PEX5L: variants seen among roughly 807,000 people sequenced by gnomAD.
The protein encoded by PEX5L is peroxisomal biogenesis factor 5 like, also known as PEX5-related protein.
PEX5L carries 30 observed loss-of-function variants against 84.0 expected under a neutral mutation model. The observed-to-expected ratio is 0.36, with a 90% CI of 0.27 to 0.48. The LOEUF is 0.48. Among genes scored for constraint, PEX5L ranks in the 20% least tolerant of loss-of-function variants. PEX5L has a pLI of 0.99. For missense variants in PEX5L, 533 were observed against 754.6 expected (o/e 0.71, Z 3.44); for synonymous variants, 270 against 283.1 (o/e 0.95, Z 0.46).
In PEX5L at chr3:179,859,042, C is replaced by T. The variant is rs1380165786; in HGVS notation, c.822+20G>A. ...TCTCAGGAGCATGAAACAGAAAAAACTAATTTGAAGAAAAGTTACCTCCAC... is the reference window on the plus strand; with the variant it reads ...TCTCAGGAGCATGAAACAGAAAAAATTAATTTGAAGAAAAGTTACCTCCAC... On this transcript the variant is annotated intron_variant, in intron 8 of 14. Transcript: ENST00000467460. The T allele has an allele frequency of 6.4e-6, 10 of 1,554,264 alleles. No homozygotes were observed. The highest frequency in any genetic ancestry group is 8.0e-6 in the Non-Finnish European group (9 of 1,125,776).
intron 10 of PEX5L, among the ~76,000 whole-genome samples, chr3:179,812,761 ACATT>A (rs751096502): frequency 4.0e-5 from 6 of 151,762 alleles, no homozygotes; most frequent in Non-Finnish European, 7.4e-5. Context: ...CTCATTACAC[ACATT>A]GTCTTCAAAT....
intron 8 of PEX5L, among the ~76,000 whole-genome samples, chr3:179,826,726 G>C (rs931093833): frequency 6.6e-6 from 1 of 152,060 alleles, no homozygotes; most frequent in African/African-American, 2.4e-5. Context: ...TTCCTGAATG[G>C]GTTTCTTTTT....
intron 14 of PEX5L, among the ~76,000 whole-genome samples, chr3:179,803,239 C>T (rs1000124264): frequency 1.3e-5 from 2 of 152,090 alleles, no homozygotes; most frequent in Non-Finnish European, 2.9e-5. Flanking sequence ...ACTTTTCCCA[C>T]TAGACTGTTT....
At chr3:179,861,218 A>C (rs1318493287) in intron 7 of PEX5L, among the ~76,000 whole-genome samples, 1 of 152,224 alleles carries the variant, frequency 6.6e-6, no homozygotes, top group Non-Finnish European at 1.5e-5. Context: ...TGTTGAAAAT[A>C]CGCTGTCAAT....
chr3:179,851,355 C>A (rs973488667), intron 8 of PEX5L, among the ~76,000 whole-genome samples: 1 of 152,176 alleles, frequency 6.6e-6, no homozygotes, highest in African/African-American at 2.4e-5. Context: ...GTTTGTAGGA[C>A]AAACAAGCTC....
intron 4 of PEX5L, among the ~76,000 whole-genome samples, chr3:179,882,728 A>G (rs1754529020): frequency 6.6e-6 from 1 of 152,150 alleles, no homozygotes; most frequent in Admixed American, 6.5e-5. Context: ...GATTTCTTAA[A>G]TCCTATTTTA....
rs1728902050 is a variant in PEX5L, at chr3:179,822,557, G to T, written c.823-2581C>A. Among the ~76,000 whole-genome samples the T allele has an allele frequency of 3.3e-5, 5 of 152,188 alleles. No homozygotes were observed. In the South Asian group the frequency reaches 1.0e-3, roughly 31 times the overall value. ...TAGTATAATCAATTTTCATCCTGTT[G>T]CAGAATCCAGACTTCATTCACGTAG... On this transcript the variant is annotated intron_variant, in intron 8 of 14. Transcript: ENST00000467460.
intron 9 of PEX5L, 109 bp downstream of exon 9, chr3:179,819,751 T>A: frequency 1.1e-6 from 1 of 933,780 alleles, no homozygotes; most frequent in Non-Finnish European, 1.7e-6. Flanking sequence ...CATTAAATTG[T>A]CTTTTTAATT....
At chr3:179,853,283 T>C (rs1484115083) in intron 8 of PEX5L, among the ~76,000 whole-genome samples, 1 of 152,242 alleles carries the variant, frequency 6.6e-6, no homozygotes, top group Non-Finnish European at 1.5e-5. Context: ...ATGAATGTGT[T>C]GCTAAATCCA....
intron 1 of PEX5L, among the ~76,000 whole-genome samples, chr3:179,988,257 C>T (rs905603572): frequency 6.6e-6 from 1 of 151,770 alleles, no homozygotes; most frequent in Non-Finnish European, 1.5e-5. Context: ...AAAAATTAGC[C>T]GGGTGTGGTC....
intron 13 of PEX5L, 118 bp from the exon 14 acceptor site, chr3:179,807,949 G>A: frequency 1.1e-6 from 1 of 889,488 alleles, no homozygotes; most frequent in Non-Finnish European, 1.7e-6. Context: ...CTCATGGATG[G>A]AGACCATGGC....
intron 1 of PEX5L, among the ~76,000 whole-genome samples, chr3:180,021,532 G>T (rs928788543): frequency 6.6e-6 from 1 of 152,210 alleles, no homozygotes; most frequent in African/African-American, 2.4e-5. Context: ...CACTATTATA[G>T]ATGATGCTTA....
At chr3:179,885,507 G>A (rs912415206) in intron 4 of PEX5L, among the ~76,000 whole-genome samples, 6 of 152,116 alleles carry the variant, frequency 3.9e-5, no homozygotes, top group South Asian at 2.1e-4. Context: ...TCAGCCAGTC[G>A]TGGTGGCAGG....
In PEX5L at chr3:179,801,675, G is replaced by C; in HGVS notation, c.*153C>G. The C allele has an allele frequency of 1.6e-6, 1 of 634,172 alleles. No homozygotes were observed. Among genetic ancestry groups the C allele is most frequent in the East Asian group, 2.7e-5 (1 of 36,646 alleles). The allele number at this position is 634,172 out of a possible 1,614,324, so 39.3% of individuals were successfully genotyped here. ...TGCTTTTGGATCTGAACAGAGACTGGGCATTGTCCACAGGAATTAATTTCC... is the reference window on the plus strand; with the variant it reads ...TGCTTTTGGATCTGAACAGAGACTGCGCATTGTCCACAGGAATTAATTTCC... On this transcript the variant is annotated 3_prime_UTR_variant, in exon 15 of 15. Coordinates refer to ENST00000467460, the MANE Select transcript of PEX5L (RefSeq NM_016559.3).
chr3:179,980,030 A>C (rs1334681944), intron 1 of PEX5L, among the ~76,000 whole-genome samples: 1 of 152,200 alleles, frequency 6.6e-6, no homozygotes, highest in African/African-American at 2.4e-5. Context: ...GTAATAAAGA[A>C]GAAAGAAAAA....
At chr3:179,903,136 A>T (rs1301994531) in intron 2 of PEX5L, among the ~76,000 whole-genome samples, 1 of 152,202 alleles carries the variant, frequency 6.6e-6, no homozygotes, top group African/African-American at 2.4e-5. Context: ...ACCTATTAAG[A>T]TCAAGCCTAC....
In PEX5L at chr3:179,797,601, A is replaced by ATATAT. The variant is rs1467137354; in HGVS notation, c.*4226_*4227insATATA. ...TATGAACACTCTTTAAAAAAAAAAA[A>ATATAT]AAAAATATATATATATATATATATA... On this transcript the variant is annotated 3_prime_UTR_variant, in exon 15 of 15. Coordinates refer to ENST00000467460, the MANE Select transcript of PEX5L (RefSeq NM_016559.3). 1.3e-4 allele frequency: 14 copies of ATATAT among 107,074 alleles called. No individual in the cohort carries two copies. The highest frequency in any genetic ancestry group is 5.8e-4 in the South Asian group (2 of 3,426). 6.6% of individuals were successfully genotyped at this position (107,074 alleles called of 1,614,324 possible). A position where few individuals can be genotyped will look rare whatever the true frequency, so the allele number is the denominator to read the frequency against.
intron 2 of PEX5L, among the ~76,000 whole-genome samples, chr3:179,940,832 AAGGATCTTCT>A (rs1487549948): frequency 6.6e-6 from 1 of 152,270 alleles, no homozygotes; most frequent in Non-Finnish European, 1.5e-5. Context: ...AGTCCAAAAT[AAGGATCTTCT>A]AGCACGAAAA....
chr3:180,029,845 C>A (rs965408364), intron 1 of PEX5L, among the ~76,000 whole-genome samples: 1 of 146,968 alleles, frequency 6.8e-6, no homozygotes, highest in East Asian at 1.9e-4. Context: ...AATCCCCTGC[C>A]GAATCAAATG....
Sources: allele counts gnomAD v4.1 joint callset (sites outside exome capture counted in the v4.1 genomes callset), GRCh38; gene constraint gnomAD v4.1.1; transcripts MANE v1.5; gene names NCBI Gene and HGNC (gene_info 2026-07-23, HGNC 2026-07-21).